The following SLC8A1 variants were observed in gnomAD, a reference collection of about 807,000 sequenced individuals.
The protein encoded by SLC8A1 is solute carrier family 8 member A1.
A neutral mutation model predicts 68.3 loss-of-function variants in SLC8A1; 18 were observed. The observed-to-expected ratio is 0.26, with a 90% CI of 0.18 to 0.39. The LOEUF (loss-of-function observed/expected upper bound fraction) is 0.39. Among genes scored for constraint, SLC8A1 ranks in the 10% least tolerant of loss-of-function variants. SLC8A1 has a pLI of 1.00. For synonymous variants in SLC8A1, 475 were observed against 415.5 expected, an observed-to-expected ratio of 1.14 and a Z score of -1.74; for missense variants, 985 against 1,156.7, an observed-to-expected ratio of 0.85 and a Z score of 2.15.
At chr2:40,419,861 A>G (rs2149739079) in intron 2 of SLC8A1, among the ~76,000 whole-genome samples, 1 of 152,296 alleles carries the variant, frequency 6.6e-6, no homozygotes, top group South Asian at 2.1e-4. Context: ...GGCTTCTTTT[A>G]AAGGTTATAA....
chr2:40,184,083 G>C (rs1177224390), intron 2 of SLC8A1, among the ~76,000 whole-genome samples: 2 of 152,206 alleles, frequency 1.3e-5, no homozygotes, highest in Admixed American at 1.3e-4. Context: ...GGCTGAGGTG[G>C]GAGGATGGCT....
intron 2 of SLC8A1, among the ~76,000 whole-genome samples, chr2:40,407,130 G>A (rs186611201): frequency 1.9e-4 from 29 of 152,182 alleles, no homozygotes; most frequent in Admixed American, 4.6e-4. Context: ...ACAGTGGTGC[G>A]ATCCCAGCTC....
rs746058756 is a variant in SLC8A1, at chr2:40,122,199, C to CGCGT, written c.2438-6571_2438-6570insACGC. On this transcript the variant is annotated intron_variant, in intron 7 of 7. Coordinates refer to ENST00000406785, the Ensembl canonical transcript of SLC8A1. ...TCTCTTTCTCTCTCACAAGTGCATG[C>CGCGT]GCGCGCGCACACACACACACACACA... Among the ~76,000 whole-genome samples the CGCGT allele has an allele frequency of 8.1e-3, 735 of 90,234 alleles. 3 individuals are homozygous for CGCGT. The highest frequency in any genetic ancestry group is 0.014 in the Non-Finnish European group (499 of 36,332). 59.2% of individuals were successfully genotyped at this position (90,234 alleles called of 152,430 possible). A position where few individuals can be genotyped will look rare whatever the true frequency, so the allele number is the denominator to read the frequency against.
At chr2:40,303,445 C>G (rs754370142) in intron 2 of SLC8A1, among the ~76,000 whole-genome samples, 2 of 152,136 alleles carry the variant, frequency 1.3e-5, no homozygotes, top group African/African-American at 2.4e-5. Context: ...ATGCACTACC[C>G]GGGCACAACA....
chr2:40,343,180 A>G (rs1358912960), intron 2 of SLC8A1, among the ~76,000 whole-genome samples: 1 of 152,204 alleles, frequency 6.6e-6, no homozygotes, highest in Non-Finnish European at 1.5e-5. Context: ...AGTAACATAT[A>G]GTACAGCCTC....
chr2:40,412,435 A>C (rs1692444122), intron 2 of SLC8A1, among the ~76,000 whole-genome samples: 1 of 152,178 alleles, frequency 6.6e-6, no homozygotes, highest in Admixed American at 6.6e-5. Flanking sequence ...GCACTGGATT[A>C]AAAGCTGGAA....
chr2:40,124,338 C>G (rs566444136), intron 7 of SLC8A1, among the ~76,000 whole-genome samples: 5 of 152,172 alleles, frequency 3.3e-5, no homozygotes, highest in Non-Finnish European at 7.3e-5. Flanking sequence ...GTTAGTTACT[C>G]ACTCCAGAGA....
intron 2 of SLC8A1, among the ~76,000 whole-genome samples, chr2:40,379,719 C>G (rs572624363): frequency 2.6e-4 from 39 of 151,852 alleles, no homozygotes; most frequent in African/African-American, 9.2e-4. Flanking sequence ...GCCTTTATGT[C>G]AGCACTGGTG....
chr2:40,443,603 T>C, intron 1 of SLC8A1, among the ~76,000 whole-genome samples: 1 of 152,172 alleles, frequency 6.6e-6, no homozygotes, highest in East Asian at 1.9e-4. Flanking sequence ...CTCTCTGAGG[T>C]CAGAGCCATG....
At chr2:40,416,054 T>TAA (rs779668065) in intron 2 of SLC8A1, among the ~76,000 whole-genome samples, 20,090 of 115,954 alleles carry the variant, frequency 0.17, 1,789 homozygotes, top group Middle Eastern at 0.25. Context: ...GGCTCTGTTT[T>TAA]AAAAAAAAAA....
chr2:40,275,889 G>T (rs543663433), intron 2 of SLC8A1, among the ~76,000 whole-genome samples: 1 of 152,106 alleles, frequency 6.6e-6, no homozygotes, highest in African/African-American at 2.4e-5. Context: ...CAGGCTTGAG[G>T]GCTGACTCTC....
At chr2:40,134,505 C>T (rs1245345634) in intron 7 of SLC8A1, among the ~76,000 whole-genome samples, 1 of 152,122 alleles carries the variant, frequency 6.6e-6, no homozygotes, top group Non-Finnish European at 1.5e-5. Context: ...ATCACAGTTC[C>T]CACCATAGCC....
At chr2:40,158,133 C>G (rs2044937512) in intron 6 of SLC8A1, among the ~76,000 whole-genome samples, 1 of 152,096 alleles carries the variant, frequency 6.6e-6, no homozygotes, top group Admixed American at 6.6e-5. Context: ...CAGTAGAGCC[C>G]TTTAAAAGCA....
At chr2:40,291,572 G>A (rs558495478) in intron 2 of SLC8A1, among the ~76,000 whole-genome samples, 1 of 152,174 alleles carries the variant, frequency 6.6e-6, no homozygotes, top group South Asian at 2.1e-4. Flanking sequence ...GGAAAGAGGA[G>A]TGGACCTCTA....
chr2:40,338,221 G>C (rs1158652178), intron 2 of SLC8A1, among the ~76,000 whole-genome samples: 1 of 152,042 alleles, frequency 6.6e-6, no homozygotes, highest in African/African-American at 2.4e-5. Context: ...GATCTTCAAG[G>C]ATTCATAGCA....
chr2:40,277,077 T>C (rs574231360), intron 2 of SLC8A1, among the ~76,000 whole-genome samples: 120 of 152,284 alleles, frequency 7.9e-4, no homozygotes, highest in Middle Eastern at 3.4e-3. Flanking sequence ...ATATCACAGT[T>C]CAAGGTGCAA....
At chr2:40,165,094 A>G in intron 4 of SLC8A1, 110 bp from the exon 8 acceptor site, 2 of 1,373,244 alleles carry the variant, frequency 1.5e-6, no homozygotes, top group South Asian at 2.5e-5. Context: ...TGACCTACTA[A>G]AGCCCCCTGG....
intron 2 of SLC8A1, among the ~76,000 whole-genome samples, chr2:40,282,076 AT>A (rs1157291613): frequency 2.0e-5 from 3 of 152,178 alleles, no homozygotes; most frequent in Admixed American, 2.0e-4. Context: ...ATGCTGGTGT[AT>A]CAAATTGTGT....
At chr2:40,445,496 G>A (rs1051682926) in intron 1 of SLC8A1, among the ~76,000 whole-genome samples, 2 of 152,310 alleles carry the variant, frequency 1.3e-5, no homozygotes, top group African/African-American at 2.4e-5. Context: ...TGATTTCAGA[G>A]TCATAGAACT....
Sources: gnomAD v4.1 joint callset for allele counts (sites outside exome capture counted in the v4.1 genomes callset) on GRCh38, gnomAD v4.1.1 for gene constraint, MANE v1.5 for transcripts, NCBI Gene and HGNC (gene_info 2026-07-23, HGNC 2026-07-21) for gene names.